The following NME9 variants were observed in gnomAD, a reference collection of about 807,000 sequenced individuals.
The protein encoded by NME9 is NME/NM23 family member 9.
Under a neutral mutation model 44.4 loss-of-function variants are expected in NME9, and 48 were observed. That is an observed-to-expected ratio of 1.08 (90% CI 0.86 to 1.37). NME9 has a LOEUF of 1.37. Among genes scored for constraint, NME9 ranks in the 40% most tolerant of loss-of-function variants. The probability of loss-of-function intolerance (pLI) is 0.00; values close to 1 mark genes in which losing one functional copy is unlikely to be tolerated. For missense variants in NME9, 325 were observed against 405.2 expected (o/e 0.80, Z 1.70); for synonymous variants, 139 against 147.1 (o/e 0.94, Z 0.40).
intron 7 of NME9, 110 bp from the exon 8 acceptor site, chr3:138,306,206 T>G (rs993777188): frequency 4.6e-6 from 4 of 871,766 alleles, no homozygotes; most frequent in South Asian, 4.3e-5. Flanking sequence ...TTAAAGGCTG[T>G]GGAGACACTG....
chr3:138,315,467 T>G, intron 5 of NME9, 60 bp downstream of exon 5: 1 of 1,152,790 alleles, frequency 8.7e-7, no homozygotes, highest in Non-Finnish European at 1.2e-6. Flanking sequence ...TGGGGACTGC[T>G]GATCTCGCCC....
At chr3:138,306,332 C>T in intron 7 of NME9, 66 bp downstream of exon 7, 2 of 1,202,644 alleles carry the variant, frequency 1.7e-6, no homozygotes, top group Non-Finnish European at 2.5e-6. Context: ...CCCAGTGCCC[C>T]ATCCCTGTTT....
chr3:138,271,458 C>T (rs2048778577), intron 8 of NME9, among the ~76,000 whole-genome samples: 1 of 152,186 alleles, frequency 6.6e-6, no homozygotes, highest in African/African-American at 2.4e-5. Context: ...ACATCTATCA[C>T]TTAAATGGCG....
intron 8 of NME9, among the ~76,000 whole-genome samples, chr3:138,280,747 C>A (rs960972659): frequency 1.3e-5 from 2 of 152,112 alleles, no homozygotes; most frequent in Admixed American, 1.3e-4. Context: ...CCACCTCGGC[C>A]TCCCACAGTG....
At chr3:138,296,234 G>T, downstream of NME9, 1 of 223,154 alleles carries the variant, frequency 4.5e-6, no homozygotes, top group Non-Finnish European at 8.9e-6. Flanking sequence ...GAACACACAG[G>T]CATGCGTGTG....
chr3:138,302,151 A>T (rs75325163), intron 10 of NME9, among the ~76,000 whole-genome samples: 1 of 152,240 alleles, frequency 6.6e-6, no homozygotes, highest in Non-Finnish European at 1.5e-5. Context: ...AATAGTGCTA[A>T]CTACAGTGGA....
intron 8 of NME9, among the ~76,000 whole-genome samples, chr3:138,274,923 G>A (rs1422091923): frequency 6.6e-6 from 1 of 152,114 alleles, no homozygotes; most frequent in African/African-American, 2.4e-5. Flanking sequence ...CAAAATTCCT[G>A]CGACTCGCTG....
downstream of NME9, among the ~76,000 whole-genome samples, chr3:138,300,093 C>A (rs947850715): frequency 6.6e-6 from 1 of 152,184 alleles, no homozygotes; most frequent in Non-Finnish European, 1.5e-5. Flanking sequence ...GTCTGGGGAT[C>A]TGGAATAGTG....
chr3:138,289,202 T>C, intron 8 of NME9: 1 of 1,091,198 alleles, frequency 9.2e-7, no homozygotes, highest in Non-Finnish European at 1.4e-6. Flanking sequence ...GCCCCTGAGA[T>C]CCTGGGCAGA....
chr3:138,274,370 G>A, intron 8 of NME9: 1 of 900,588 alleles, frequency 1.1e-6, no homozygotes, highest in Non-Finnish European at 1.8e-6. Context: ...GAATCATATT[G>A]TTTTAACTTT....
chr3:138,317,796 G>A (rs899376620), intron 4 of NME9, among the ~76,000 whole-genome samples: 2 of 152,170 alleles, frequency 1.3e-5, no homozygotes, highest in Non-Finnish European at 2.9e-5. Flanking sequence ...ATGTACATTT[G>A]AGTGACTGGT....
intron 8 of NME9, among the ~76,000 whole-genome samples, chr3:138,289,334 A>G (rs1167376823): frequency 2.6e-5 from 4 of 152,168 alleles, no homozygotes; most frequent in Non-Finnish European, 5.9e-5. Context: ...AGCCAACTCT[A>G]TACCAGATTC....
chr3:138,301,298 G>A lies in NME9; in HGVS notation c.*342C>T, dbSNP rs922995746. 4.0e-5 allele frequency: 14 copies of A among 346,870 alleles called. No individual in the cohort carries two copies. The highest frequency in any genetic ancestry group is 5.3e-5 in the Admixed American group (1 of 18,790). The allele number at this position is 346,870 out of a possible 1,614,324, so 21.5% of individuals were successfully genotyped here. A position where few individuals can be genotyped will look rare whatever the true frequency, so the allele number is the denominator to read the frequency against. The stretch of plus-strand genomic sequence containing the variant: ...CGGCTTACTGCAACCTTCACCTCCC[G>A]GGTTCAAGCGATTCTCATGCCTAAG... On this transcript the variant is annotated 3_prime_UTR_variant, in exon 11 of 11. Transcript: ENST00000333911.
At position 138,270,058 on chromosome 3, in the gene NME9, G is replaced by A. The variant is rs1429678107; in HGVS notation, c.746-7472C>T. The A allele has an allele frequency of 6.2e-7, 1 of 1,613,252 alleles. No homozygotes were observed. Among genetic ancestry groups the A allele is most frequent in the Non-Finnish European group, 8.5e-7 (1 of 1,179,518 alleles). On this transcript the variant is annotated intron_variant, in intron 8 of 8. Transcript: ENST00000317876. ...ATGGCAGCCAATTTTGGAATCAGGA[G>A]CCGTAGAGCTACTTTGTGGATTAAC... is the stretch of plus-strand genomic sequence containing the variant.
exon 9 of NME9, chr3:138,261,957 C>A: frequency 6.6e-6 from 1 of 152,422 alleles, no homozygotes. Flanking sequence ...TAAGAGGTAG[C>A]TACCATAAGG....
chr3:138,301,707 G>A lies in NME9; in HGVS notation c.929-3C>T. ...CGCTGTTGCTTCAGCCTCACCGCCT[G>A]TGGGATGACAGATGTTTGGTAGGAC... On this transcript the variant is annotated splice_region_variant and splice_polypyrimidine_tract_variant and intron_variant, in intron 10 of 10. Coordinates refer to ENST00000333911, the MANE Select transcript of NME9 (RefSeq NM_001349018.2). 2 of 1,535,716 alleles carry A rather than the reference G, an allele frequency of 1.3e-6. No individual in the cohort carries two copies. Among genetic ancestry groups the A allele is most frequent in the African/African-American group, 1.4e-5 (1 of 73,136 alleles).
intron 8 of NME9, among the ~76,000 whole-genome samples, chr3:138,275,218 G>GT (rs2049162329): frequency 6.6e-6 from 1 of 152,194 alleles, no homozygotes; most frequent in African/African-American, 2.4e-5. Context: ...GCGATCTTCA[G>GT]TTTTTTGACA....
At chr3:138,301,833 T>C in intron 10 of NME9, 129 bp from the exon 11 acceptor site, 1 of 687,170 alleles carries the variant, frequency 1.5e-6, no homozygotes, top group Admixed American at 2.5e-5. Context: ...GAAGTCCTGA[T>C]ACGTGTTAGG....
At chr3:138,273,747 A>T (rs2048996784) in intron 8 of NME9, among the ~76,000 whole-genome samples, 1 of 150,058 alleles carries the variant, frequency 6.7e-6, no homozygotes. Context: ...CCAAGATAGT[A>T]TTAGGAAATC....
Sources: gnomAD v4.1 joint callset for allele counts (sites outside exome capture counted in the v4.1 genomes callset) on GRCh38, gnomAD v4.1.1 for gene constraint, MANE v1.5 for transcripts, NCBI Gene and HGNC (gene_info 2026-07-23, HGNC 2026-07-21) for gene names.